DST: variants seen among roughly 807,000 people sequenced by gnomAD.
DST encodes the protein bullous pemphigoid antigen.
A neutral mutation model predicts 875.2 loss-of-function variants in DST; 253 were observed. The ratio of observed to expected loss-of-function variants is 0.29; its 90% CI spans 0.26 to 0.32. DST has a LOEUF of 0.32. DST is among the 10% of genes least tolerant of loss of function. The pLI is 1.00. For missense variants in DST, 8,287 were observed against 9,111.6 expected (o/e 0.91, Z 3.68); for synonymous variants, 3,124 against 3,197.1 (o/e 0.98, Z 0.77).
chr6:56,595,946 G>C (rs537098189), intron 47 of DST, among the ~76,000 whole-genome samples: 1 of 152,112 alleles, frequency 6.6e-6, no homozygotes, highest in South Asian at 2.1e-4. Context: ...CTGAAAGCTA[G>C]ACGTTCCTGG....
At chr6:56,922,732 G>A (rs1443111228) in intron 2 of DST, among the ~76,000 whole-genome samples, 1 of 152,114 alleles carries the variant, frequency 6.6e-6, no homozygotes, top group Non-Finnish European at 1.5e-5. Flanking sequence ...TGCTAGATTA[G>A]CAAATATGAC....
At chr6:56,664,036 T>A (rs1198170558) in intron 10 of DST, among the ~76,000 whole-genome samples, 1 of 152,010 alleles carries the variant, frequency 6.6e-6, no homozygotes, top group Non-Finnish European at 1.5e-5. Flanking sequence ...AAAACAAGCA[T>A]AAGACAGGCA....
At chr6:56,905,954 T>G (rs1305334092) in intron 2 of DST, among the ~76,000 whole-genome samples, 1 of 152,164 alleles carries the variant, frequency 6.6e-6, no homozygotes, top group African/African-American at 2.4e-5. Flanking sequence ...CAGCCTATAT[T>G]GCACTTTCTT....
intron 2 of DST, among the ~76,000 whole-genome samples, chr6:56,912,327 T>TTTA (rs1324801393): frequency 6.6e-6 from 1 of 152,214 alleles, no homozygotes; most frequent in Non-Finnish European, 1.5e-5. Context: ...CACATATTTT[T>TTTA]ATTTAAATTT....
Position 56,778,166 on chromosome 6 carries a change from T to C in DST, c.626-42877A>G, listed in dbSNP as rs11754256. 2.0e-3 allele frequency among the ~76,000 whole-genome samples: 308 copies of C among 152,208 alleles called. 2 individuals are homozygous for C. Among genetic ancestry groups the C allele is most frequent in the Non-Finnish European group, 2.3e-3 (158 of 68,032 alleles). On this transcript the variant is annotated intron_variant, in intron 4 of 103. Transcript: ENST00000680361. ...CTAGCATAGTTCTTTAAGTCAGTAG[T>C]ATAAATGAAATCAAGGAATTGGGAG...
intron 4 of DST, among the ~76,000 whole-genome samples, chr6:56,772,116 T>G (rs1052646805): frequency 6.6e-6 from 1 of 152,214 alleles, no homozygotes; most frequent in Non-Finnish European, 1.5e-5. Flanking sequence ...GATTGAGTAA[T>G]GCCAAGAAAG....
chr6:56,939,421 G>T (rs1471712940), intron 2 of DST, among the ~76,000 whole-genome samples: 2 of 152,198 alleles, frequency 1.3e-5, no homozygotes, highest in African/African-American at 2.4e-5. Context: ...CAAGATCTTG[G>T]TATGAGAGTA....
intron 2 of DST, among the ~76,000 whole-genome samples, chr6:56,942,697 G>T: frequency 7.8e-6 from 1 of 128,950 alleles, no homozygotes; most frequent in African/African-American, 2.9e-5. Context: ...TCTAATATTT[G>T]CCATTTCTCT....
At chr6:56,543,217 T>C (rs1467040600) in intron 61 of DST, among the ~76,000 whole-genome samples, 1 of 152,230 alleles carries the variant, frequency 6.6e-6, no homozygotes, top group Non-Finnish European at 1.5e-5. Context: ...ATCCTTCAGT[T>C]GAAACCGCAC....
At chr6:56,898,433 G>A (rs1792485324) in intron 3 of DST, among the ~76,000 whole-genome samples, 1 of 152,208 alleles carries the variant, frequency 6.6e-6, no homozygotes, top group South Asian at 2.1e-4. Context: ...AATGATGGTT[G>A]AGAGTTTCTA....
intron 2 of DST, among the ~76,000 whole-genome samples, chr6:56,944,522 A>G (rs957698882): frequency 6.6e-6 from 1 of 152,166 alleles, no homozygotes; most frequent in Non-Finnish European, 1.5e-5. Context: ...GGAAAGAAAT[A>G]GAAAGAGGCT....
At position 56,608,352 on chromosome 6, in the gene DST, A is replaced by T; in HGVS notation, c.6276T>A (p.Ile2092=). The change falls in exon 40 of 104, where the codon ATT becomes ATA. Residue 2092 remains isoleucine (I), a synonymous_variant. Coordinates refer to ENST00000680361, the MANE Select transcript of DST (RefSeq NM_001374736.1). The stretch of plus-strand genomic sequence containing the variant: ...GGATTTTGTAGGCCAATTCATTTGT[A>T]ATCAATTCTTGCTGCAAGGAAGATG... The part of the protein sequence containing the change: ...PTSSSLQQEL[I]TNELAYKILN... 1 of 1,612,662 alleles carries T rather than the reference A, an allele frequency of 6.2e-7. No homozygotes were observed. The highest frequency in any genetic ancestry group is 8.5e-7 in the Non-Finnish European group (1 of 1,179,782).
chr6:56,622,140 C>T (rs1284523760), intron 36 of DST, among the ~76,000 whole-genome samples: 6 of 152,158 alleles, frequency 3.9e-5, no homozygotes, highest in Admixed American at 3.3e-4. Flanking sequence ...AGTTGCTTAT[C>T]AAACCTCCTT....
At chr6:56,470,844 T>C (rs2094853014) in intron 95 of DST, among the ~76,000 whole-genome samples, 1 of 150,890 alleles carries the variant, frequency 6.6e-6, no homozygotes, top group East Asian at 1.9e-4. Context: ...TTAAGAATCA[T>C]ATATTATTAA....
At chr6:56,785,243 A>T (rs534092703) in intron 4 of DST, among the ~76,000 whole-genome samples, 39 of 152,314 alleles carry the variant, frequency 2.6e-4, no homozygotes. Flanking sequence ...CTCTCCTCAA[A>T]GCTGTCAGAC....
At chr6:56,558,910 C>G (rs1443282683) in intron 58 of DST, among the ~76,000 whole-genome samples, 1 of 152,004 alleles carries the variant, frequency 6.6e-6, no homozygotes, top group Admixed American at 6.6e-5. Flanking sequence ...TGGATTTACC[C>G]TCTGCTAGGA....
chr6:56,583,639 GC>G (rs2098077538), intron 49 of DST, among the ~76,000 whole-genome samples: 1 of 152,180 alleles, frequency 6.6e-6, no homozygotes, highest in South Asian at 2.1e-4. Context: ...TGTTGCCATT[GC>G]TTTTGGTGCT....
chr6:56,604,793 G>C lies in DST; in HGVS notation c.9835C>G (p.His3279Asp). 6.2e-7 allele frequency: 1 copy of C among 1,612,794 alleles called. No homozygotes were observed. The highest frequency in any genetic ancestry group is 1.1e-5 in the South Asian group (1 of 91,034). ...EATLSILSRK[H>D]VEDVGKNDFL... is the part of the protein sequence containing the mutation. ...TCATTTTTCCCAACATCTTCTACAT[G>C]TTTACGAGATAATATTGAAAGTGTG... Residue 3279 changes from histidine (H) to aspartate (D), a missense_variant, in exon 40 of 104, where the codon CAT becomes GAT. Physicochemically the swap from His to Asp is moderately conservative, Grantham distance 81. Coordinates refer to ENST00000680361, the MANE Select transcript of DST (RefSeq NM_001374736.1).
rs917142245 is a variant in DST at position 56,940,197 on chromosome 6, C to T, written c.216+13588G>A. Among the ~76,000 whole-genome samples the T allele has an allele frequency of 5.2e-3, 368 of 71,040 alleles. 3 individuals are homozygous for T. Among genetic ancestry groups the T allele is most frequent in the African/African-American group, 0.016 (334 of 20,518 alleles). The allele number at this position is 71,040 out of a possible 152,430, so 46.6% of individuals were successfully genotyped here. On this transcript the variant is annotated intron_variant, in intron 2 of 103. Coordinates refer to ENST00000680361, the MANE Select transcript of DST (RefSeq NM_001374736.1). ...AAATTCCACATTACCCCCATACACA[C>T]ACACACACACACACACACACACACA...
Sources: gnomAD v4.1 joint callset for allele counts (sites outside exome capture counted in the v4.1 genomes callset) on GRCh38, gnomAD v4.1.1 for gene constraint, MANE v1.5 for transcripts, NCBI Gene and HGNC (gene_info 2026-07-23, HGNC 2026-07-21) for gene names.